PLCG1: variants seen among roughly 807,000 people sequenced by gnomAD.
PLCG1 encodes 1-phosphatidylinositol 4,5-bisphosphate phosphodiesterase gamma-1.
In PLCG1, 71 loss-of-function variants were observed where a neutral mutation model predicts 177.8. That is an observed-to-expected ratio of 0.40 (90% CI 0.33 to 0.49). The LOEUF is 0.49. Among genes scored for constraint, PLCG1 ranks in the 20% least tolerant of loss-of-function variants. PLCG1 has a pLI of 0.72. For missense variants in PLCG1, 1,281 were observed against 1,709.0 expected (o/e 0.75, Z 4.42); for synonymous variants, 658 against 647.9 (o/e 1.02, Z -0.24).
intron 1 of PLCG1, among the ~76,000 whole-genome samples, chr20:41,142,990 C>T (rs1230980089): frequency 6.6e-6 from 1 of 152,150 alleles, no homozygotes; most frequent in Non-Finnish European, 1.5e-5. Context: ...GCAAGGAGGC[C>T]CGCCCATCCT....
At chr20:41,140,416 C>T (rs1240611608) in intron 1 of PLCG1, among the ~76,000 whole-genome samples, 1 of 152,162 alleles carries the variant, frequency 6.6e-6, no homozygotes, top group Admixed American at 6.5e-5. Context: ...GGACTCTTGC[C>T]CAAGCACCTC....
In PLCG1 at chr20:41,162,489, G is replaced by A; in HGVS notation, c.550G>A (p.Val184Ile). 6.2e-7 allele frequency: 1 copy of A among 1,613,916 alleles called. No homozygotes were observed. The highest frequency in any genetic ancestry group is 8.5e-7 in the Non-Finnish European group (1 of 1,179,932). The change falls in exon 5 of 32, where the codon GTC (valine) becomes ATC (isoleucine). Residue 184 changes from valine to isoleucine, a missense_variant. By Grantham distance (29) the Val-to-Ile change is conservative (BLOSUM62 3). This residue lies in a region of PLCG1 where 374 missense variants were observed against 443.8 expected (regional missense o/e 0.84). Coordinates refer to ENST00000685551, the MANE Select transcript of PLCG1 (RefSeq NM_002660.3). ...AKDLKNMLSQVNYRVPNMRFL... is the reference protein window; with the variant it reads ...AKDLKNMLSQINYRVPNMRFL... ...GGACCTGAAGAACATGCTGTCCCAG[G>A]TCAACTACCGGGTCCCCAACATGCG... is the stretch of plus-strand genomic sequence containing the variant.
At position 41,147,538 on chromosome 20, in the gene PLCG1, T is replaced by A. The variant is rs995251881; in HGVS notation, c.217+9680T>A. Among the ~76,000 whole-genome samples the A allele has an allele frequency of 1.3e-5, 2 of 152,142 alleles. No homozygotes were observed. Among genetic ancestry groups the A allele is most frequent in the South Asian group, 4.1e-4 (2 of 4,822 alleles). ...AATCCAAGGTAGCCATCTCTCTCAG[T>A]AGGGGAGGTGAGTTCAAAGAATTTA... is the stretch of plus-strand genomic sequence containing the variant. On this transcript the variant is annotated intron_variant, in intron 1 of 31. Transcript: ENST00000685551. The surrounding 1 kb of genome is among the most constrained non-coding windows in gnomAD (Gnocchi z 4.0).
At chr20:41,139,792 G>A (rs559196737) in intron 1 of PLCG1, among the ~76,000 whole-genome samples, 64 of 152,276 alleles carry the variant, frequency 4.2e-4, no homozygotes, top group African/African-American at 1.5e-3. Flanking sequence ...TGAGGATGAA[G>A]GTGCAGGAAG....
chr20:41,173,468 C>G lies in PLCG1; in HGVS notation c.3328C>G (p.Pro1110Ala). Residue 1110 changes from proline to alanine, a missense_variant, in exon 28 of 32, where the codon CCT (proline) becomes GCT (alanine). Physicochemically the swap from Pro to Ala is conservative, Grantham distance 27 (BLOSUM62 -1). Around this residue, in one of 4 missense-constraint regions of PLCG1, gnomAD observed 723 missense variants for 1,030.0 expected, o/e 0.70. Transcript: ENST00000685551. The surrounding 1 kb of genome is among the most constrained non-coding windows in gnomAD (Gnocchi z 6.2). ...AAAGAATGGCCGAGGCATTGTGTGT[C>G]CTTTTGTGGAGATTGAGGTGGCTGG... ...LPKNGRGIVC[P>A]FVEIEVAGAE... 1 of 1,613,448 alleles carries G rather than the reference C, an allele frequency of 6.2e-7. No individual in the cohort carries two copies. Among genetic ancestry groups the G allele is most frequent in the Non-Finnish European group, 8.5e-7 (1 of 1,179,688 alleles).
chr20:41,142,097 T>G (rs756280937), intron 1 of PLCG1, among the ~76,000 whole-genome samples: 14 of 152,254 alleles, frequency 9.2e-5, no homozygotes, highest in Non-Finnish European at 1.2e-4. Context: ...AAGACAGATG[T>G]AGAGGCATAT....
At position 41,144,945 on chromosome 20, in the gene PLCG1, C is replaced by T. The variant is rs2034951677; in HGVS notation, c.217+7087C>T. Among the ~76,000 whole-genome samples the T allele has an allele frequency of 6.6e-6, 1 of 152,132 alleles. No individual in the cohort carries two copies. The highest frequency in any genetic ancestry group is 1.5e-5 in the Non-Finnish European group (1 of 68,022). On this transcript the variant is annotated intron_variant, in intron 1 of 31. Transcript: ENST00000685551. This position sits in a 1 kb window ranked among gnomAD's most constrained non-coding sequence, Gnocchi z 4.1. ...CGACTTGTGCTTCCCTGGCTTTAGACTCTGGCATTTGCTAACTGTGCCAAG... is the reference window on the plus strand; with the variant it reads ...CGACTTGTGCTTCCCTGGCTTTAGATTCTGGCATTTGCTAACTGTGCCAAG...
At chr20:41,143,649 C>G (rs1324960247) in intron 1 of PLCG1, among the ~76,000 whole-genome samples, 1 of 152,146 alleles carries the variant, frequency 6.6e-6, no homozygotes, top group Non-Finnish European at 1.5e-5. Context: ...GATAGTCCCA[C>G]CTTGCTGGTA....
chr20:41,166,650 C>T lies in PLCG1; in HGVS notation c.2121-29C>T, dbSNP rs1468852776. 4 of 1,613,892 alleles carry T rather than the reference C, an allele frequency of 2.5e-6. No individual in the cohort carries two copies. The highest frequency in any genetic ancestry group is 2.7e-5 in the African/African-American group (2 of 74,902). The stretch of plus-strand genomic sequence containing the variant: ...CTTGCTTGGGTCTGAGCTGCCCTGA[C>T]CCTGTGTGACTGTTTTGTCCTTGTG... On this transcript the variant is annotated intron_variant, in intron 18 of 31. Coordinates refer to ENST00000685551, the MANE Select transcript of PLCG1 (RefSeq NM_002660.3). This position sits in a 1 kb window ranked among gnomAD's most constrained non-coding sequence, Gnocchi z 8.6.
Position 41,160,756 on chromosome 20 carries a change from G to A in PLCG1, c.512+603G>A, listed in dbSNP as rs1039012583. 6.6e-6 allele frequency among the ~76,000 whole-genome samples: 1 copy of A among 152,208 alleles called. No homozygotes were observed. Among genetic ancestry groups the A allele is most frequent in the East Asian group, 1.9e-4 (1 of 5,196 alleles). On this transcript the variant is annotated intron_variant, in intron 4 of 31. Transcript: ENST00000685551. The surrounding 1 kb of genome is among the most constrained non-coding windows in gnomAD (Gnocchi z 5.5). ...TAGGAAGTGGCTGGATTTTGGCCAT[G>A]TTGTATTTTGAAGATAGCGCCAGAA...
Position 41,159,356 on chromosome 20 carries a change from G to T in PLCG1, c.218-250G>T, listed in dbSNP as rs2035420410. On this transcript the variant is annotated intron_variant, in intron 1 of 31. Coordinates refer to ENST00000685551, the MANE Select transcript of PLCG1 (RefSeq NM_002660.3). The surrounding 1 kb of genome is among the most constrained non-coding windows in gnomAD (Gnocchi z 6.0). ...GTCTCAGTGAGGGAACAAAGATAGG[G>T]AAGGGACACCCCACAGAACCACCTT... Among the ~76,000 whole-genome samples, 1 of 152,120 alleles carries T rather than the reference G, an allele frequency of 6.6e-6. No individual in the cohort carries two copies. The highest frequency in any genetic ancestry group is 2.4e-5 in the African/African-American group (1 of 41,396).
In PLCG1 at chr20:41,174,673, A is replaced by ATGTT. The variant is rs1230625392; in HGVS notation, c.*165_*168dup. ...AGACAGAAACCAAGCCATTAATGAG[A>ATGTT]TGTTATTACTGTTTTGGGCCTCCAT... On this transcript the variant is annotated 3_prime_UTR_variant, in exon 32 of 32. Coordinates refer to ENST00000685551, the MANE Select transcript of PLCG1 (RefSeq NM_002660.3). The surrounding 1 kb of genome is among the most constrained non-coding windows in gnomAD (Gnocchi z 5.8). 2 of 654,188 alleles carry ATGTT rather than the reference A, an allele frequency of 3.1e-6. No homozygotes were observed. The highest frequency in any genetic ancestry group is 5.2e-5 in the Admixed American group (2 of 38,772). 40.5% of individuals were successfully genotyped at this position (654,188 alleles called of 1,614,324 possible). A position where few individuals can be genotyped will look rare whatever the true frequency, so the allele number is the denominator to read the frequency against.
At position 41,156,341 on chromosome 20, in the gene PLCG1, T is replaced by C. The variant is rs1357353364; in HGVS notation, c.218-3265T>C. The stretch of plus-strand genomic sequence containing the variant: ...TGTGGGCTTGGGGACATGGTGCCAT[T>C]CCTGAAGCCTGGGCAGCCATCACCA... On this transcript the variant is annotated intron_variant, in intron 1 of 31. Coordinates refer to ENST00000685551, the MANE Select transcript of PLCG1 (RefSeq NM_002660.3). This position sits in a 1 kb window ranked among gnomAD's most constrained non-coding sequence, Gnocchi z 5.0. 6.6e-6 allele frequency among the ~76,000 whole-genome samples: 1 copy of C among 152,128 alleles called. No homozygotes were observed. Among genetic ancestry groups the C allele is most frequent in the Non-Finnish European group, 1.5e-5 (1 of 68,004 alleles).
At chr20:41,158,560 G>T (rs894611089) in intron 1 of PLCG1, among the ~76,000 whole-genome samples, 1 of 152,170 alleles carries the variant, frequency 6.6e-6, no homozygotes, top group Admixed American at 6.5e-5. Flanking sequence ...CATTGGATGG[G>T]CCCCCTCCAT....
In PLCG1 at chr20:41,177,414, C is replaced by T. The variant is rs2036094345; in HGVS notation, c.*2905C>T. ...GAGCAGAAAAGGCAGGGGTCTGCCT[C>T]CTGACCAAGCACATCTTGAACATCA... On this transcript the variant is annotated 3_prime_UTR_variant, in exon 32 of 32. Coordinates refer to ENST00000685551, the MANE Select transcript of PLCG1 (RefSeq NM_002660.3). The T allele has an allele frequency of 6.6e-6, 1 of 152,258 alleles. No individual in the cohort carries two copies. Among genetic ancestry groups the T allele is most frequent in the Non-Finnish European group, 1.5e-5 (1 of 68,066 alleles). 9.4% of individuals were successfully genotyped at this position (152,258 alleles called of 1,614,324 possible). A position where few individuals can be genotyped will look rare whatever the true frequency, so the allele number is the denominator to read the frequency against.
chr20:41,159,759 G>A lies in PLCG1; in HGVS notation c.370+1G>A. On this transcript the variant is annotated splice_donor_variant, in intron 2 of 31. Coordinates refer to ENST00000685551, the MANE Select transcript of PLCG1 (RefSeq NM_002660.3). LOFTEE classifies it high-confidence loss of function. This position sits in a 1 kb window ranked among gnomAD's most constrained non-coding sequence, Gnocchi z 6.0. ...CGCCTGAAAACGCTGAGCCTGCAAGGTGGGAGTTAAGGGGGTAGAGGAGGT... is the reference window on the plus strand; with the variant it reads ...CGCCTGAAAACGCTGAGCCTGCAAGATGGGAGTTAAGGGGGTAGAGGAGGT... 1 of 1,614,238 alleles carries A rather than the reference G, an allele frequency of 6.2e-7. No homozygotes were observed. The highest frequency in any genetic ancestry group is 8.5e-7 in the Non-Finnish European group (1 of 1,180,042).
Position 41,166,050 on chromosome 20 carries a change from G to A in PLCG1, c.1800-144G>A. 2 of 705,906 alleles carry A rather than the reference G, an allele frequency of 2.8e-6. No homozygotes were observed. Among genetic ancestry groups the A allele is most frequent in the South Asian group, 3.7e-5 (2 of 54,164 alleles). 43.7% of individuals were successfully genotyped at this position (705,906 alleles called of 1,614,324 possible). ...TGAAGCCCACACCTTTGGTTCATGT[G>A]ACTGCCCACACCTGAGCTCCTCAGG... On this transcript the variant is annotated intron_variant, in intron 16 of 31. Coordinates refer to ENST00000685551, the MANE Select transcript of PLCG1 (RefSeq NM_002660.3). This position sits in a 1 kb window ranked among gnomAD's most constrained non-coding sequence, Gnocchi z 8.6.
rs1252340069 is a variant in PLCG1, at chr20:41,175,959, C to T, written c.*1450C>T. The T allele has an allele frequency of 6.6e-6, 1 of 152,236 alleles. No individual in the cohort carries two copies. The highest frequency in any genetic ancestry group is 1.5e-5 in the Non-Finnish European group (1 of 68,050). The allele number at this position is 152,236 out of a possible 1,614,324, so 9.4% of individuals were successfully genotyped here. A position where few individuals can be genotyped will look rare whatever the true frequency, so the allele number is the denominator to read the frequency against. ...GAGCAGAGTACATCCTGCCTGGGTT[C>T]TTTGTGGCCAGCCAGTTTTGGTGGT... On this transcript the variant is annotated 3_prime_UTR_variant, in exon 32 of 32. Transcript: ENST00000685551.
In PLCG1 at chr20:41,165,385, CT is replaced by C. The variant is rs1166258921; in HGVS notation, c.1509+19del. On this transcript the variant is annotated intron_variant, in intron 14 of 31. Transcript: ENST00000685551. This position sits in a 1 kb window ranked among gnomAD's most constrained non-coding sequence, Gnocchi z 6.6. ...TGAACCACGTGAGGACTGGGCCAGG[CT>C]GGGGGTGGTAGGCCAGTGGGTGTGA... is the stretch of plus-strand genomic sequence containing the variant. 1 of 1,613,988 alleles carries C rather than the reference CT, an allele frequency of 6.2e-7. No individual in the cohort carries two copies. The highest frequency in any genetic ancestry group is 2.2e-5 in the East Asian group (1 of 44,884).
Sources: allele counts gnomAD v4.1 joint callset (sites outside exome capture counted in the v4.1 genomes callset), GRCh38; gene constraint gnomAD v4.1.1; regional missense constraint gnomAD v4.1.1; non-coding constraint Gnocchi (gnomAD v3.1); transcripts MANE v1.5; gene names NCBI Gene and HGNC (gene_info 2026-07-23, HGNC 2026-07-21).